The following KCNMB3 variants were observed in gnomAD, a reference collection of about 807,000 sequenced individuals.
The protein encoded by KCNMB3 is calcium-activated potassium channel subunit beta-3.
KCNMB3 carries 18 observed loss-of-function variants against 11.9 expected under a neutral mutation model. The observed-to-expected ratio is 1.51, with a 90% CI of 1.04 to 2.23. The LOEUF is 2.23. Ranked by LOEUF, KCNMB3 falls within the 30% of genes most tolerant of loss-of-function variation. The pLI is 0.00. For synonymous variants in KCNMB3, 78 were observed against 119.2 expected (o/e 0.65, Z 2.25); for missense variants, 247 against 329.4 (o/e 0.75, Z 1.94).
chr3:179,245,885 CTGCCA>C (rs1342596656), intron 1 of KCNMB3, among the ~76,000 whole-genome samples: 1 of 152,152 alleles, frequency 6.6e-6, no homozygotes, highest in East Asian at 1.9e-4. Context: ...GACAAAATTC[CTGCCA>C]TGAAGACCTT....
intron 1 of KCNMB3, among the ~76,000 whole-genome samples, chr3:179,261,545 G>A (rs1053760371): frequency 2.0e-5 from 3 of 151,926 alleles, no homozygotes; most frequent in Admixed American, 1.3e-4. Context: ...AGCGGGGCTC[G>A]GGCGCCTCCG....
At chr3:179,252,000 G>A (rs142879888), upstream of KCNMB3, among the ~76,000 whole-genome samples, 1,520 of 152,260 alleles carry the variant, frequency 1.0e-2, 24 homozygotes, top group South Asian at 0.067. Context: ...GATTACAGGC[G>A]TGAGCCACTG....
At chr3:179,255,089 C>T (rs1725967986), upstream of KCNMB3, among the ~76,000 whole-genome samples, 1 of 151,628 alleles carries the variant, frequency 6.6e-6, no homozygotes, top group South Asian at 2.1e-4. Context: ...CACTTGAACC[C>T]AGAAGGTGGA....
chr3:179,251,222 G>A (rs1470589330), upstream of KCNMB3: 1 of 1,550,242 alleles, frequency 6.5e-7, no homozygotes, highest in East Asian at 2.4e-5. Flanking sequence ...ACTAGAGAAT[G>A]TTGTATGTAA....
chr3:179,261,176 G>T, intron 1 of KCNMB3: 2 of 1,335,832 alleles, frequency 1.5e-6, no homozygotes, highest in Non-Finnish European at 1.0e-6. Flanking sequence ...CTCCGCGCGG[G>T]CCTCCCGTTT....
chr3:179,259,665 T>A, intron 1 of KCNMB3: 1 of 1,608,726 alleles, frequency 6.2e-7, no homozygotes, highest in South Asian at 1.1e-5. Flanking sequence ...ATAAGTTAAC[T>A]CTTTTTAAAC....
chr3:179,257,224 C>T (rs1265652945), intron 1 of KCNMB3, among the ~76,000 whole-genome samples: 1 of 152,066 alleles, frequency 6.6e-6, no homozygotes, highest in Non-Finnish European at 1.5e-5. Flanking sequence ...ATAGATGGTC[C>T]CCCAACTTAA....
chr3:179,252,768 G>A (rs1022475295), upstream of KCNMB3, among the ~76,000 whole-genome samples: 1 of 135,044 alleles, frequency 7.4e-6, no homozygotes, highest in South Asian at 2.3e-4. Context: ...GTCTCCCTCT[G>A]TCACCCAGGC....
At chr3:179,254,656 C>T (rs1725953514), upstream of KCNMB3, among the ~76,000 whole-genome samples, 1 of 151,996 alleles carries the variant, frequency 6.6e-6, no homozygotes, top group Non-Finnish European at 1.5e-5. Flanking sequence ...ACTAAAAACA[C>T]AAAAAATTAG....
chr3:179,257,064 T>C (rs986659343), intron 1 of KCNMB3, among the ~76,000 whole-genome samples: 1 of 152,198 alleles, frequency 6.6e-6, no homozygotes, highest in African/African-American at 2.4e-5. Flanking sequence ...CTCAGGAGGC[T>C]GAGCCAGGAG....
rs747211326 is a variant in KCNMB3 at position 179,244,603 on chromosome 3, G to T, written c.339C>A (p.Cys113Ter). 54 of 1,613,966 alleles carry T rather than the reference G, an allele frequency of 3.3e-5. No homozygotes were observed. The highest frequency in any genetic ancestry group is 4.3e-5 in the Non-Finnish European group (51 of 1,180,010). The change falls in exon 2 of 3, where the codon TGC becomes TGA. Residue 113 changes from cysteine (C) to a stop codon, truncating the protein, a stop_gained. Coordinates refer to ENST00000392685, the MANE Select transcript of KCNMB3 (RefSeq NM_171830.2). LOFTEE classifies it high-confidence loss of function. Reference protein sequence around the residue: ...LDCAFTCGVHCHGQGKYPCLQ... With the variant: ...LDCAFTCGVH ...GACACGGGTACTTCCCCTGACCGTG[G>T]CAGTGCACACCACAGGTGAAGGCAC... is the stretch of plus-strand genomic sequence containing the variant.
At chr3:179,241,021 A>G (rs1725441881), downstream of KCNMB3, 1 of 152,164 alleles carries the variant, frequency 6.6e-6, no homozygotes. Context: ...AATGCGTATC[A>G]CATTTAGCCA....
In KCNMB3 at chr3:179,264,663, G is replaced by A. The variant is rs559928608; in HGVS notation, c.62+1986C>T. On this transcript the variant is annotated intron_variant, in intron 1 of 3. Transcript: ENST00000349697. ...CAAACAGCCTGAACACACTCACCTGGGTGTGATCCCCACAGAAGCCAGCAG... is the reference window on the plus strand; with the variant it reads ...CAAACAGCCTGAACACACTCACCTGAGTGTGATCCCCACAGAAGCCAGCAG... Among the ~76,000 whole-genome samples, 5 of 152,240 alleles carry A rather than the reference G, an allele frequency of 3.3e-5. No individual in the cohort carries two copies. The South Asian group carries it at 1.0e-3, about 32-fold the overall frequency.
chr3:179,249,924 C>G (rs1240740878), intron 1 of KCNMB3, among the ~76,000 whole-genome samples: 4 of 152,110 alleles, frequency 2.6e-5, no homozygotes, highest in Non-Finnish European at 5.9e-5. Flanking sequence ...ATAGCTAATG[C>G]ATGCTGGGCT....
chr3:179,259,889 A>C, intron 1 of KCNMB3: 1 of 1,613,498 alleles, frequency 6.2e-7, no homozygotes, highest in Non-Finnish European at 8.5e-7. Context: ...GAGAACCAGG[A>C]ACTTCTGTCT....
chr3:179,266,833 C>G, exon 1 of KCNMB3: 1 of 1,448,808 alleles, frequency 6.9e-7, no homozygotes, highest in Admixed American at 2.7e-5. Context: ...GCCCCCAGCG[C>G]AGCTGCAGCC....
chr3:179,262,779 T>C (rs1415279662), intron 1 of KCNMB3, among the ~76,000 whole-genome samples: 2 of 152,182 alleles, frequency 1.3e-5, no homozygotes, highest in African/African-American at 4.8e-5. Flanking sequence ...ATACAGAGTG[T>C]GGACACAAAC....
chr3:179,260,183 T>C (rs1576963680), intron 1 of KCNMB3: 1 of 1,613,008 alleles, frequency 6.2e-7, no homozygotes, highest in East Asian at 2.2e-5. Flanking sequence ...CCACATTCTC[T>C]GTGTGGCTCC....
At chr3:179,260,290 T>G (rs62410370) in intron 1 of KCNMB3, 829,953 of 1,613,586 alleles carry the variant, frequency 0.51, 221,372 homozygotes, top group East Asian at 0.87. Flanking sequence ...ACCTGTGCTG[T>G]GTTTTCAGGG....
Sources: allele counts gnomAD v4.1 joint callset (sites outside exome capture counted in the v4.1 genomes callset), GRCh38; gene constraint gnomAD v4.1.1; transcripts MANE v1.5; gene names NCBI Gene and HGNC (gene_info 2026-07-23, HGNC 2026-07-21).